The following LOC400499 variants were observed in gnomAD, a reference collection of about 807,000 sequenced individuals.
chr16:11,443,405 G>A, the LOC400499 span: 4 of 425,364 alleles, frequency 9.4e-6, no homozygotes, highest in African/African-American at 4.5e-5. Context: ...AGGTTGCGGT[G>A]AGCTGAGATC....
the LOC400499 span, chr16:11,407,323 C>G: frequency 5.0e-6 from 2 of 397,136 alleles, no homozygotes; most frequent in African/African-American, 2.1e-5. Context: ...GAACCTCACC[C>G]TTGGAGTAGT....
At chr16:11,457,002 C>G in the LOC400499 span, 3 of 1,534,780 alleles carry the variant, frequency 2.0e-6, no homozygotes, top group Non-Finnish European at 2.6e-6. Flanking sequence ...AAGCTGCACG[C>G]GGCAATCCAC....
At chr16:11,493,686 C>A in the LOC400499 span, 2 of 397,540 alleles carry the variant, frequency 5.0e-6, no homozygotes, top group Non-Finnish European at 8.9e-6. Flanking sequence ...GGATGGCCCC[C>A]AGCCGGATCT....
At chr16:11,440,656 G>A in the LOC400499 span, 1 of 398,276 alleles carries the variant, frequency 2.5e-6, no homozygotes, top group South Asian at 1.4e-4. Flanking sequence ...TCTCATACAG[G>A]GCACCTTCAC....
At chr16:11,402,291 G>C in the LOC400499 span, 7 of 397,332 alleles carry the variant, frequency 1.8e-5, no homozygotes, top group Non-Finnish European at 3.1e-5. Flanking sequence ...GGGCCACACA[G>C]CCAGATAATT....
chr16:11,396,770 C>T, the LOC400499 span: 1 of 980,218 alleles, frequency 1.0e-6, no homozygotes, highest in Non-Finnish European at 1.3e-6. Context: ...GCAGCTGCCA[C>T]CTCCCAGCCT....
At chr16:11,484,644 G>A in the LOC400499 span, among the ~76,000 whole-genome samples, 1 of 152,122 alleles carries the variant, frequency 6.6e-6, no homozygotes, top group East Asian at 1.9e-4. Context: ...GGACAGGCAG[G>A]CTGTACACTT....
At chr16:11,469,985 CTCTGCCTCCCA>C in the LOC400499 span, among the ~76,000 whole-genome samples, 1 of 152,224 alleles carries the variant, frequency 6.6e-6, no homozygotes, top group Admixed American at 6.5e-5. Context: ...TCACTGCAGC[CTCTGCCTCCCA>C]GGTTCAAGTG....
chr16:11,455,741 G>GA, the LOC400499 span, among the ~76,000 whole-genome samples: 98,485 of 131,700 alleles, frequency 0.75, 35,613 homozygotes, highest in Admixed American at 0.82. Flanking sequence ...TCTCAAAAAA[G>GA]AAAAAAAAAA....
At chr16:11,484,276 G>A in the LOC400499 span, among the ~76,000 whole-genome samples, 3 of 152,114 alleles carry the variant, frequency 2.0e-5, no homozygotes, top group East Asian at 3.9e-4. Flanking sequence ...CAAAGTGCTG[G>A]GATTACAGGC....
chr16:11,372,757 A>T, the LOC400499 span: 5 of 982,288 alleles, frequency 5.1e-6, no homozygotes, highest in African/African-American at 5.2e-5. Flanking sequence ...GAGAGAGAAA[A>T]GTAAGACCAG....
the LOC400499 span, chr16:11,430,989 A>G: frequency 5.0e-6 from 2 of 398,904 alleles, no homozygotes; most frequent in African/African-American, 4.1e-5. Context: ...TTGCAGTTCC[A>G]AAGAAAGTGC....
the LOC400499 span, chr16:11,435,566 G>C: frequency 4.0e-5 from 16 of 398,306 alleles, no homozygotes; most frequent in Admixed American, 8.8e-5. Context: ...GAACAGAAGA[G>C]GGGCCTCTGA....
chr16:11,515,855 AG>A, the LOC400499 span: 8 of 188,974 alleles, frequency 4.2e-5, no homozygotes, highest in East Asian at 1.3e-4. Flanking sequence ...GGCCCGGCCC[AG>A]CCCAGCCCAG....
chr16:11,501,744 C>T, the LOC400499 span, among the ~76,000 whole-genome samples: 1 of 152,070 alleles, frequency 6.6e-6, no homozygotes, highest in Non-Finnish European at 1.5e-5. Flanking sequence ...ACGCCCCCAG[C>T]AGGAGGGTAC....
chr16:11,421,468 C>T, the LOC400499 span, among the ~76,000 whole-genome samples: 1 of 152,078 alleles, frequency 6.6e-6, no homozygotes. Context: ...GTGGCACAAT[C>T]TTGGCTCACT....
At chr16:11,435,905 G>T in the LOC400499 span, 1 of 399,308 alleles carries the variant, frequency 2.5e-6, no homozygotes, top group South Asian at 1.3e-4. Flanking sequence ...GGAGGGACAG[G>T]AAGGGTCTAT....
At chr16:11,505,440 C>CTTT in the LOC400499 span, among the ~76,000 whole-genome samples, 1 of 75,334 alleles carries the variant, frequency 1.3e-5, no homozygotes, top group South Asian at 3.9e-4. Flanking sequence ...TTTAATTTTT[C>CTTT]TTTTCTTTTT....
chr16:11,433,049 T>C, the LOC400499 span, among the ~76,000 whole-genome samples: 16 of 152,230 alleles, frequency 1.1e-4, no homozygotes, highest in Non-Finnish European at 2.4e-4. Context: ...CCACTTGTTT[T>C]TATAAATAAA....
Sources: gnomAD v4.1 joint callset for allele counts (sites outside exome capture counted in the v4.1 genomes callset) on GRCh38, gnomAD v4.1.1 for gene constraint, MANE v1.5 for transcripts.